The following JAK2 variants were observed in gnomAD, a reference collection of about 807,000 sequenced individuals.
The protein encoded by JAK2 is tyrosine-protein kinase JAK2.
In JAK2, 86 loss-of-function variants were observed where a neutral mutation model predicts 139.3. The ratio of observed to expected loss-of-function variants is 0.62; its 90% confidence interval spans 0.52 to 0.74. The LOEUF (loss-of-function observed/expected upper bound fraction) is 0.74, where lower values mean the gene tolerates loss of function less well. Among genes scored for constraint, JAK2 ranks in the 30% least tolerant of loss-of-function variants. JAK2 has a pLI of 0.00. For synonymous variants in JAK2, 490 were observed against 437.7 expected (o/e 1.12, Z -1.49); for missense variants, 1,421 against 1,360.3 (o/e 1.04, Z -0.70).
intron 22 of JAK2, chr9:5,100,234 T>C (rs1821361911): frequency 6.6e-6 from 1 of 152,164 alleles, no homozygotes; most frequent in Non-Finnish European, 1.5e-5. Context: ...TGACAACACA[T>C]AATGACCCAC....
At chr9:5,066,172 T>G (rs1818555303) in intron 9 of JAK2, among the ~76,000 whole-genome samples, 1 of 152,270 alleles carries the variant, frequency 6.6e-6, no homozygotes, top group East Asian at 1.9e-4. Context: ...GTGTGCAGCT[T>G]CAGAAAACAT....
chr9:5,001,456 G>C (rs186265583), intron 2 of JAK2, among the ~76,000 whole-genome samples: 82 of 152,162 alleles, frequency 5.4e-4, no homozygotes, highest in Non-Finnish European at 6.9e-4. Flanking sequence ...TTATGGTTTT[G>C]CTCCATTATT....
intron 2 of JAK2, among the ~76,000 whole-genome samples, chr9:5,020,581 C>T (rs1822352445): frequency 6.6e-6 from 1 of 152,042 alleles, no homozygotes; most frequent in South Asian, 2.1e-4. Flanking sequence ...GTGTGCACTG[C>T]AGCTGCAGGT....
chr9:5,091,691 T>C (rs946183754), intron 22 of JAK2: 18 of 152,162 alleles, frequency 1.2e-4, no homozygotes, highest in African/African-American at 4.3e-4. Flanking sequence ...TGGTTTTTGG[T>C]ATAGACTTTT....
At chr9:5,037,350 T>A (rs560672694) in intron 4 of JAK2, among the ~76,000 whole-genome samples, 4 of 152,186 alleles carry the variant, frequency 2.6e-5, no homozygotes, top group Admixed American at 1.3e-4. Context: ...AGCCATCCCA[T>A]TACTGGGTAT....
chr9:5,111,297 C>T, intron 22 of JAK2: 1 of 474,658 alleles, frequency 2.1e-6, no homozygotes, highest in Non-Finnish European at 4.1e-6. Context: ...GCCGGGCAAG[C>T]TGGCCCTCAG....
chr9:5,118,283 G>A (rs1823358359), intron 22 of JAK2, among the ~76,000 whole-genome samples: 1 of 152,098 alleles, frequency 6.6e-6, no homozygotes. Context: ...CTTTAAAATA[G>A]TATTCCCACT....
chr9:4,994,618 T>C (rs1820455938), intron 2 of JAK2, among the ~76,000 whole-genome samples: 1 of 152,238 alleles, frequency 6.6e-6, no homozygotes, highest in Non-Finnish European at 1.5e-5. Flanking sequence ...GCCTTTGTGG[T>C]GCAAAAGCAG....
At position 5,044,536 on chromosome 9, in the gene JAK2, CTT is replaced by C; in HGVS notation, c.468+17_468+18del. The stretch of plus-strand genomic sequence containing the variant: ...CTTTGCTCAGGTATGATTATATTAT[CTT>C]ACTTGTACATGAGTTAAATGATAAA... On this transcript the variant is annotated intron_variant, in intron 5 of 24. Coordinates refer to ENST00000381652, the MANE Select transcript of JAK2 (RefSeq NM_004972.4). The C allele has an allele frequency of 7.2e-7, 1 of 1,386,200 alleles. No individual in the cohort carries two copies. Among genetic ancestry groups the C allele is most frequent in the Non-Finnish European group, 1.0e-6 (1 of 993,770 alleles). The allele number at this position is 1,386,200 out of a possible 1,614,324, so 85.9% of individuals were successfully genotyped here.
chr9:5,114,275 C>G (rs1822930758), intron 22 of JAK2: 8 of 544,854 alleles, frequency 1.5e-5, no homozygotes, highest in South Asian at 1.3e-4. Flanking sequence ...ACCTGGCACC[C>G]AGCAAGGAGA....
chr9:4,992,004 G>T (rs1002839396), intron 2 of JAK2, among the ~76,000 whole-genome samples: 1 of 152,054 alleles, frequency 6.6e-6, no homozygotes, highest in Non-Finnish European at 1.5e-5. Context: ...TACTTTATTA[G>T]GCTCACAGAT....
Position 5,054,781 on chromosome 9 carries a change from G to T in JAK2, c.833G>T (p.Gly278Val). Residue 278 changes from glycine (G) to valine (V), a missense_variant, in exon 7 of 25, where the codon GGT becomes GTT. By Grantham distance (109) the Gly-to-Val change is moderately radical. Coordinates refer to ENST00000381652, the MANE Select transcript of JAK2 (RefSeq NM_004972.4). The surrounding 1 kb of genome is among the most constrained non-coding windows in gnomAD (Gnocchi z 4.9). ...EKFEVKEPGS[G>V]PSGEEIFATI... ...TTTGAAGTAAAAGAACCTGGAAGTG[G>T]TCCTTCAGGTGAGGAGATTTTTGCA... 4 of 1,612,760 alleles carry T rather than the reference G, an allele frequency of 2.5e-6. No individual in the cohort carries two copies. The highest frequency in any genetic ancestry group is 3.4e-6 in the Non-Finnish European group (4 of 1,178,954).
chr9:5,006,109 A>C (rs1024631883), intron 2 of JAK2, among the ~76,000 whole-genome samples: 17 of 152,292 alleles, frequency 1.1e-4, no homozygotes, highest in African/African-American at 3.4e-4. Context: ...CACGATATTG[A>C]TTCTTCCTAC....
intron 2 of JAK2, among the ~76,000 whole-genome samples, chr9:4,991,798 T>C (rs1231757347): frequency 6.6e-6 from 1 of 151,374 alleles, no homozygotes; most frequent in African/African-American, 2.4e-5. Flanking sequence ...TTGTTTAGCA[T>C]CCCCTCTAAA....
At chr9:5,081,945 C>A in intron 19 of JAK2, 84 bp downstream of exon 19, 1 of 1,180,454 alleles carries the variant, frequency 8.5e-7, no homozygotes, top group Non-Finnish European at 1.2e-6. Context: ...TCACTTTCTA[C>A]AACATTTTAA....
intron 8 of JAK2, among the ~76,000 whole-genome samples, chr9:5,060,988 C>T (rs1298949802): frequency 1.3e-5 from 2 of 152,208 alleles, no homozygotes; most frequent in South Asian, 2.1e-4. Context: ...TCTGTCAGAG[C>T]GCTTGGGTGA....
chr9:5,085,071 C>G (rs140485364), intron 19 of JAK2: 3 of 688,478 alleles, frequency 4.4e-6, no homozygotes, highest in Non-Finnish European at 8.0e-6. Flanking sequence ...GTTTACTGCT[C>G]TCTCTTATTG....
intron 22 of JAK2, chr9:5,114,506 G>A (rs147201739): frequency 4.7e-5 from 22 of 470,120 alleles, no homozygotes; most frequent in Non-Finnish European, 7.6e-5. Context: ...AGGTCTACGT[G>A]TTTGCAACGC....
rs781617920 is a variant in JAK2 at position 5,123,092 on chromosome 9, T to C, written c.3148T>C (p.Tyr1050His). 1.9e-6 allele frequency: 3 copies of C among 1,609,348 alleles called. No homozygotes were observed. The highest frequency in any genetic ancestry group is 2.2e-5 in the South Asian group (2 of 90,222). The change falls in exon 23 of 25, where the codon TAC becomes CAC. Residue 1050 changes from tyrosine to histidine, a missense_variant. Physicochemically the swap from Tyr to His is moderately conservative, Grantham distance 83 (BLOSUM62 2). Transcript: ENST00000381652. ...AGTGGTTCTGTATGAACTTTTCACA[T>C]ACATTGAGAAGAGTAAAAGTCCACC... ...FGVVLYELFT[Y>H]IEKSKSPPAE...
Sources: allele counts gnomAD v4.1 joint callset (sites outside exome capture counted in the v4.1 genomes callset), GRCh38; gene constraint gnomAD v4.1.1; non-coding constraint Gnocchi (gnomAD v3.1); transcripts MANE v1.5; gene names NCBI Gene and HGNC (gene_info 2026-07-23, HGNC 2026-07-21).